ZFAND3: variants seen among roughly 807,000 people sequenced by gnomAD.
The protein encoded by ZFAND3 is zinc finger AN1-type containing 3, also known as AN1-type zinc finger protein 3.
In ZFAND3, 10 loss-of-function variants were observed where a neutral mutation model predicts 29.6. That is an observed-to-expected ratio of 0.34 (90% CI 0.21 to 0.57). The LOEUF is 0.57. Among genes scored for constraint, ZFAND3 ranks in the 20% least tolerant of loss-of-function variants. The pLI, the probability that ZFAND3 is intolerant of heterozygous loss-of-function variation, is 0.86. For missense variants in ZFAND3, 230 were observed against 304.5 expected, an observed-to-expected ratio of 0.76 and a Z score of 1.82; for synonymous variants, 128 against 112.6, an observed-to-expected ratio of 1.14 and a Z score of -0.87.
intron 2 of ZFAND3, among the ~76,000 whole-genome samples, chr6:37,999,861 G>A (rs1449179481): frequency 6.6e-6 from 1 of 152,106 alleles, no homozygotes; most frequent in Non-Finnish European, 1.5e-5. Flanking sequence ...GTCAATATTG[G>A]CTCGTTAATT....
intron 2 of ZFAND3, among the ~76,000 whole-genome samples, chr6:38,009,805 G>T (rs1219916758): frequency 2.0e-5 from 3 of 152,170 alleles, no homozygotes; most frequent in African/African-American, 7.2e-5. Context: ...GTTATAAACA[G>T]TATGTAGCCA....
chr6:38,094,425 C>T (rs1764937235), intron 4 of ZFAND3, among the ~76,000 whole-genome samples: 1 of 152,020 alleles, frequency 6.6e-6, no homozygotes, highest in Non-Finnish European at 1.5e-5. Flanking sequence ...CACCATATCA[C>T]AGAATAGCTT....
At chr6:38,036,867 G>C (rs1449053405) in intron 2 of ZFAND3, among the ~76,000 whole-genome samples, 1 of 152,002 alleles carries the variant, frequency 6.6e-6, no homozygotes, top group Admixed American at 6.6e-5. Flanking sequence ...TCCTGCCTTG[G>C]CCTCCCAAAA....
chr6:38,105,720 G>C (rs1765193779), intron 4 of ZFAND3, among the ~76,000 whole-genome samples: 1 of 152,104 alleles, frequency 6.6e-6, no homozygotes, highest in Non-Finnish European at 1.5e-5. Flanking sequence ...GATGAAGGGG[G>C]CATGGGATCT....
chr6:37,903,777 T>C (rs1206817513), intron 1 of ZFAND3, among the ~76,000 whole-genome samples: 1 of 152,246 alleles, frequency 6.6e-6, no homozygotes, highest in Non-Finnish European at 1.5e-5. Context: ...AAAAATTGTT[T>C]TCCATAAATA....
chr6:38,081,585 C>A (rs1260690137), intron 3 of ZFAND3, among the ~76,000 whole-genome samples: 1 of 152,030 alleles, frequency 6.6e-6, no homozygotes, highest in African/African-American at 2.4e-5. Context: ...GTAACATTTG[C>A]CTATGTGTCC....
chr6:38,038,100 C>T (rs1043498924), intron 2 of ZFAND3, among the ~76,000 whole-genome samples: 1 of 152,172 alleles, frequency 6.6e-6, no homozygotes, highest in Non-Finnish European at 1.5e-5. Flanking sequence ...TCCAGGGCTG[C>T]TGTGCGGCCC....
Position 37,918,951 on chromosome 6 carries a change from C to CTTTTTTTTTTTTTTTTTTTT in ZFAND3, c.72-11007_72-10988dup, listed in dbSNP as rs66941014. On this transcript the variant is annotated intron_variant, in intron 1 of 5. Transcript: ENST00000287218. ...TGTGTTTTCAAAACATGAAAAATGC[C>CTTTTTTTTTTTTTTTTTTTT]TTTTTTTTTTTTTTTTTTTTGAGAC... is the stretch of plus-strand genomic sequence containing the variant. Among the ~76,000 whole-genome samples the CTTTTTTTTTTTTTTTTTTTT allele has an allele frequency of 8.8e-4, 92 of 104,702 alleles. 9 individuals are homozygous for CTTTTTTTTTTTTTTTTTTTT. The highest frequency in any genetic ancestry group is 2.4e-3 in the African/African-American group (60 of 24,570). The allele number at this position is 104,702 out of a possible 152,430, so 68.7% of individuals were successfully genotyped here. A position where few individuals can be genotyped will look rare whatever the true frequency, so the allele number is the denominator to read the frequency against.
chr6:37,827,808 G>A (rs1282042229), intron 1 of ZFAND3, among the ~76,000 whole-genome samples: 1 of 152,194 alleles, frequency 6.6e-6, no homozygotes, highest in Non-Finnish European at 1.5e-5. Flanking sequence ...AGGCAAGTTC[G>A]AATTTATTAG....
At chr6:37,952,107 G>T (rs1433719520) in intron 2 of ZFAND3, among the ~76,000 whole-genome samples, 2 of 152,166 alleles carry the variant, frequency 1.3e-5, no homozygotes, top group African/African-American at 4.8e-5. Flanking sequence ...TGGTTTGCTA[G>T]TATCTCATTG....
Position 38,152,759 on chromosome 6 carries a change from G to A in ZFAND3, c.*370G>A, listed in dbSNP as rs1019937523. The A allele has an allele frequency of 4.0e-6, 4 of 1,001,318 alleles. No homozygotes were observed. Among genetic ancestry groups the A allele is most frequent in the South Asian group, 4.7e-5 (1 of 21,450 alleles). The allele number at this position is 1,001,318 out of a possible 1,614,324, so 62.0% of individuals were successfully genotyped here. On this transcript the variant is annotated 3_prime_UTR_variant, in exon 6 of 6. Transcript: ENST00000287218. The stretch of plus-strand genomic sequence containing the variant: ...TGAGTTAATAGAGGAGTAGAAGCTG[G>A]TGTTAAAGTTCCCACGACGCACATG...
intron 1 of ZFAND3, among the ~76,000 whole-genome samples, chr6:37,841,762 C>T (rs1309083555): frequency 1.3e-5 from 2 of 152,174 alleles, no homozygotes; most frequent in Non-Finnish European, 2.9e-5. Flanking sequence ...GGATTACAGG[C>T]GTGAGCCACC....
At chr6:38,015,898 A>G (rs1200133395) in intron 2 of ZFAND3, among the ~76,000 whole-genome samples, 1 of 152,214 alleles carries the variant, frequency 6.6e-6, no homozygotes, top group Non-Finnish European at 1.5e-5. Context: ...TGAAGCAAAT[A>G]TAGTGAAATG....
At chr6:37,924,312 CTTTTT>C (rs34276814) in intron 1 of ZFAND3, among the ~76,000 whole-genome samples, 3 of 127,288 alleles carry the variant, frequency 2.4e-5, no homozygotes, top group African/African-American at 3.0e-5. Flanking sequence ...TACTTAAGTG[CTTTTT>C]TTTTTTTTTT....
intron 1 of ZFAND3, among the ~76,000 whole-genome samples, chr6:37,889,947 A>G (rs573731396): frequency 6.6e-6 from 1 of 152,338 alleles, no homozygotes; most frequent in East Asian, 1.9e-4. Context: ...ACATGTTAAG[A>G]CGTGTTCCAT....
At chr6:38,118,583 C>G (rs940946905) in intron 5 of ZFAND3, among the ~76,000 whole-genome samples, 2 of 150,644 alleles carry the variant, frequency 1.3e-5, no homozygotes, top group Middle Eastern at 3.2e-3. Context: ...AGCAATTGGT[C>G]TATCAAGTAT....
chr6:38,006,663 T>G (rs1320696166), intron 2 of ZFAND3, among the ~76,000 whole-genome samples: 6 of 150,250 alleles, frequency 4.0e-5, no homozygotes, highest in African/African-American at 7.4e-5. Context: ...GGGTTTTTTT[T>G]TTTTTTTTTT....
intron 1 of ZFAND3, among the ~76,000 whole-genome samples, chr6:37,917,498 G>A (rs1761281955): frequency 6.6e-6 from 1 of 152,156 alleles, no homozygotes; most frequent in African/African-American, 2.4e-5. Context: ...TACACAAAAA[G>A]CAATAGAATC....
At chr6:37,974,633 C>G (rs1051124013) in intron 2 of ZFAND3, among the ~76,000 whole-genome samples, 1 of 151,992 alleles carries the variant, frequency 6.6e-6, no homozygotes, top group South Asian at 2.1e-4. Flanking sequence ...TGGGCTCAAG[C>G]GATTGTCCCA....
Sources: allele counts gnomAD v4.1 joint callset (sites outside exome capture counted in the v4.1 genomes callset), GRCh38; gene constraint gnomAD v4.1.1; transcripts MANE v1.5; gene names NCBI Gene and HGNC (gene_info 2026-07-23, HGNC 2026-07-21).